The following WWOX variants were observed in gnomAD, a reference collection of about 807,000 sequenced individuals.
WWOX encodes WW domain containing oxidoreductase, also known as WW domain-containing oxidoreductase.
WWOX carries 69 observed loss-of-function variants against 46.2 expected under a neutral mutation model. That is an observed-to-expected ratio of 1.49 (90% CI 1.23 to 1.82). WWOX has a LOEUF of 1.82. Among genes scored for constraint, WWOX ranks in the 40% most tolerant of loss-of-function variants. The pLI, the probability that WWOX is intolerant of heterozygous loss-of-function variation, is 0.00. For missense variants in WWOX, 919 were observed against 542.6 expected (o/e 1.69, Z -6.89); for synonymous variants, 359 against 202.6 (o/e 1.77, Z -6.56).
chr16:78,359,279 T>C (rs1328349296), intron 5 of WWOX, among the ~76,000 whole-genome samples: 2 of 152,206 alleles, frequency 1.3e-5, no homozygotes, highest in African/African-American at 4.8e-5. Flanking sequence ...AATATTCTTT[T>C]CAGTTTTAAA....
chr16:78,372,222 T>C (rs762136225), intron 5 of WWOX, among the ~76,000 whole-genome samples: 47 of 152,190 alleles, frequency 3.1e-4, no homozygotes, highest in Admixed American at 1.1e-3. Flanking sequence ...AGAGAACATA[T>C]TCACTTTTCT....
chr16:78,294,000 A>AC (rs1597451343), intron 5 of WWOX, among the ~76,000 whole-genome samples: 5 of 150,652 alleles, frequency 3.3e-5, no homozygotes, highest in East Asian at 2.0e-4. Flanking sequence ...AAAAAAAAAA[A>AC]AAAAAAAAAA....
intron 8 of WWOX, among the ~76,000 whole-genome samples, chr16:79,154,024 A>G (rs990491157): frequency 6.6e-5 from 10 of 152,202 alleles, no homozygotes; most frequent in Non-Finnish European, 1.5e-4. Context: ...GGAGCAAGGC[A>G]TACTGCCCAA....
chr16:78,313,685 C>T (rs762448138), intron 5 of WWOX, among the ~76,000 whole-genome samples: 1 of 152,096 alleles, frequency 6.6e-6, no homozygotes, highest in Non-Finnish European at 1.5e-5. Flanking sequence ...TCCTACGTAC[C>T]GTGATTGCTT....
intron 8 of WWOX, among the ~76,000 whole-genome samples, chr16:79,143,732 G>A (rs372106798): frequency 6.6e-6 from 1 of 152,068 alleles, no homozygotes; most frequent in Non-Finnish European, 1.5e-5. Context: ...GATAGGTGCC[G>A]GTTTGTCTCT....
chr16:78,909,385 A>G (rs2045050296), intron 8 of WWOX, among the ~76,000 whole-genome samples: 1 of 152,148 alleles, frequency 6.6e-6, no homozygotes, highest in African/African-American at 2.4e-5. Flanking sequence ...AGCTGTTAAG[A>G]TTGTTATTAA....
intron 7 of WWOX, among the ~76,000 whole-genome samples, chr16:78,430,642 T>A (rs549378884): frequency 6.6e-6 from 1 of 152,282 alleles, no homozygotes; most frequent in East Asian, 1.9e-4. Context: ...CTTAGACAAT[T>A]AAGCTTGGAA....
At chr16:78,700,941 T>G (rs2048202906) in intron 8 of WWOX, among the ~76,000 whole-genome samples, 1 of 152,190 alleles carries the variant, frequency 6.6e-6, no homozygotes, top group East Asian at 1.9e-4. Context: ...AATTGATATT[T>G]ATTGAGGGCT....
At chr16:78,427,461 A>T (rs1219592839) in intron 7 of WWOX, among the ~76,000 whole-genome samples, 1 of 151,998 alleles carries the variant, frequency 6.6e-6, no homozygotes, top group Non-Finnish European at 1.5e-5. Flanking sequence ...TGGTTGAACA[A>T]CCCTCAATGG....
At chr16:79,051,190 A>G (rs367612115) in intron 8 of WWOX, among the ~76,000 whole-genome samples, 1 of 152,174 alleles carries the variant, frequency 6.6e-6, no homozygotes, top group East Asian at 1.9e-4. Context: ...GTTGGGAGAA[A>G]AAGTTGTCTT....
At chr16:78,841,017 G>T (rs575859245) in intron 8 of WWOX, among the ~76,000 whole-genome samples, 1 of 152,194 alleles carries the variant, frequency 6.6e-6, no homozygotes, top group South Asian at 2.1e-4. Context: ...GGTCCATCCT[G>T]TGATGCCATA....
intron 8 of WWOX, among the ~76,000 whole-genome samples, chr16:78,660,969 T>A (rs1367223103): frequency 6.6e-6 from 1 of 152,190 alleles, no homozygotes; most frequent in Non-Finnish European, 1.5e-5. Context: ...TCATTTAATA[T>A]ATTCATTCCT....
Position 78,418,263 on chromosome 16 carries a change from C to G in WWOX, c.606-6607C>G, listed in dbSNP as rs149852527. ...CCTGTAGGCCCAGCTACTTGGGAGG[C>G]TGAGGCAGGAGAATGGCGTGAACCC... On this transcript the variant is annotated intron_variant, in intron 6 of 8. Transcript: ENST00000566780. Among the ~76,000 whole-genome samples the G allele has an allele frequency of 4.0e-3, 614 of 151,946 alleles. 3 individuals are homozygous for G. The highest frequency in any genetic ancestry group is 0.014 in the African/African-American group (564 of 41,426).
chr16:78,762,733 G>C (rs976237579), intron 8 of WWOX, among the ~76,000 whole-genome samples: 1 of 152,132 alleles, frequency 6.6e-6, no homozygotes, highest in Non-Finnish European at 1.5e-5. Flanking sequence ...CTGGTTTCAA[G>C]TCCAAATTCT....
rs376889976 is a variant in WWOX at position 78,668,162 on chromosome 16, C to A, written c.1056+235410C>A. The stretch of plus-strand genomic sequence containing the variant: ...AGCTGTGGTGGCACATGCCTGTAAT[C>A]CCAGCTACTCGGGAGGCTGGGACAG... On this transcript the variant is annotated intron_variant, in intron 8 of 8. Transcript: ENST00000566780. Among the ~76,000 whole-genome samples the A allele has an allele frequency of 7.9e-5, 12 of 152,250 alleles. No homozygotes were observed. In the East Asian group the frequency reaches 9.7e-4, roughly 12 times the overall value.
intron 8 of WWOX, among the ~76,000 whole-genome samples, chr16:79,035,735 CG>C (rs1360417407): frequency 1.3e-5 from 2 of 151,660 alleles, no homozygotes; most frequent in African/African-American, 4.8e-5. Context: ...GACGGGGTTT[CG>C]CCATGTTGGC....
intron 5 of WWOX, among the ~76,000 whole-genome samples, chr16:78,339,584 C>G (rs890487165): frequency 1.7e-5 from 2 of 119,518 alleles, no homozygotes; most frequent in African/African-American, 2.8e-5. Flanking sequence ...GGGAGCATGT[C>G]TTGTAGTAGC....
chr16:78,702,248 C>A (rs2048241177), intron 8 of WWOX, among the ~76,000 whole-genome samples: 1 of 149,394 alleles, frequency 6.7e-6, no homozygotes, highest in Non-Finnish European at 1.5e-5. Context: ...CCACTATACT[C>A]CAGCCTGGGT....
chr16:79,063,992 C>T (rs1039654950), intron 8 of WWOX, among the ~76,000 whole-genome samples: 2 of 152,162 alleles, frequency 1.3e-5, no homozygotes, highest in African/African-American at 4.8e-5. Flanking sequence ...TGACTCTAGC[C>T]AGGCCATTTG....
Sources: allele counts gnomAD v4.1 joint callset (sites outside exome capture counted in the v4.1 genomes callset), GRCh38; gene constraint gnomAD v4.1.1; transcripts MANE v1.5; gene names NCBI Gene and HGNC (gene_info 2026-07-23, HGNC 2026-07-21).